EXOC6B: variants seen among roughly 807,000 people sequenced by gnomAD.
EXOC6B encodes SEC15 homolog B.
In EXOC6B, 54 loss-of-function variants were observed where a neutral mutation model predicts 113.5. The observed-to-expected ratio is 0.48, with a 90% CI of 0.38 to 0.60. EXOC6B has a LOEUF of 0.60. Among genes scored for constraint, EXOC6B ranks in the 20% least tolerant of loss-of-function variants. EXOC6B has a pLI of 0.00. For missense variants in EXOC6B, 797 were observed against 977.5 expected (o/e 0.82, Z 2.46); for synonymous variants, 357 against 339.0 (o/e 1.05, Z -0.58).
intron 20 of EXOC6B, among the ~76,000 whole-genome samples, chr2:72,250,222 G>A (rs1682926481): frequency 6.6e-6 from 1 of 152,056 alleles, no homozygotes; most frequent in Non-Finnish European, 1.5e-5. Context: ...GTATAAGCAC[G>A]GTACCGATCA....
chr2:72,452,603 A>C (rs1291376763), intron 18 of EXOC6B, among the ~76,000 whole-genome samples: 2 of 152,164 alleles, frequency 1.3e-5, no homozygotes, highest in African/African-American at 4.8e-5. Context: ...TGAGATGAGA[A>C]GTCATTCTGA....
At chr2:72,734,739 T>A (rs916229369) in intron 2 of EXOC6B, among the ~76,000 whole-genome samples, 1 of 152,158 alleles carries the variant, frequency 6.6e-6, no homozygotes, top group African/African-American at 2.4e-5. Context: ...AATTTACAAT[T>A]GGATGCCACA....
Position 72,825,994 on chromosome 2 carries a change from C to G in EXOC6B, c.-84G>C. 6.5e-7 allele frequency: 1 copy of G among 1,533,140 alleles called. No individual in the cohort carries two copies. The highest frequency in any genetic ancestry group is 8.8e-7 in the Non-Finnish European group (1 of 1,140,352). The allele number at this position is 1,533,140 out of a possible 1,614,324, so 95.0% of individuals were successfully genotyped here. On this transcript the variant is annotated 5_prime_UTR_variant, in exon 1 of 22. Coordinates refer to ENST00000272427, the MANE Select transcript of EXOC6B (RefSeq NM_015189.3). This position sits in a 1 kb window ranked among gnomAD's most constrained non-coding sequence, Gnocchi z 4.4. ...CCCACAATGCCGCTCCCACCACAGGCTCCACAGCCGCCCCAGCCTCTGGCT... is the reference window on the plus strand; with the variant it reads ...CCCACAATGCCGCTCCCACCACAGGGTCCACAGCCGCCCCAGCCTCTGGCT...
chr2:72,807,858 C>T (rs540395183), intron 1 of EXOC6B, among the ~76,000 whole-genome samples: 1 of 150,788 alleles, frequency 6.6e-6, no homozygotes, highest in South Asian at 2.1e-4. Context: ...AAAAAAAAAT[C>T]AAAAGAATAA....
chr2:72,606,524 T>G (rs1670762822), intron 6 of EXOC6B, among the ~76,000 whole-genome samples: 1 of 151,966 alleles, frequency 6.6e-6, no homozygotes, highest in Non-Finnish European at 1.5e-5. Flanking sequence ...AGGACAGGAG[T>G]TGGAGACCAG....
intron 19 of EXOC6B, among the ~76,000 whole-genome samples, chr2:72,352,200 ACATGGGCCTCAATT>A (rs1689690158): frequency 6.6e-6 from 1 of 152,140 alleles, no homozygotes; most frequent in Non-Finnish European, 1.5e-5. Flanking sequence ...AAAAACAAAA[ACATGGGCCTCAATT>A]CACCCATCCA....
chr2:72,332,372 T>A (rs1688462111), intron 20 of EXOC6B, among the ~76,000 whole-genome samples: 2 of 151,918 alleles, frequency 1.3e-5, no homozygotes, highest in South Asian at 4.2e-4. Context: ...TCAGTTTTGG[T>A]CCATAAAATC....
intron 6 of EXOC6B, among the ~76,000 whole-genome samples, chr2:72,590,060 G>A (rs2103925089): frequency 6.6e-6 from 1 of 152,040 alleles, no homozygotes; most frequent in South Asian, 2.1e-4. Context: ...AGGACATAAC[G>A]TCTCCTATCC....
At chr2:72,238,858 T>G (rs1230516724) in intron 20 of EXOC6B, among the ~76,000 whole-genome samples, 1 of 152,202 alleles carries the variant, frequency 6.6e-6, no homozygotes, top group East Asian at 1.9e-4. Context: ...GTCTTTCCAC[T>G]TTCTTGATGG....
At chr2:72,728,563 A>C (rs1680450856) in intron 5 of EXOC6B, among the ~76,000 whole-genome samples, 1 of 152,134 alleles carries the variant, frequency 6.6e-6, no homozygotes, top group African/African-American at 2.4e-5. Flanking sequence ...CATGTTATAT[A>C]CTCATAATGG....
rs137863396 is a variant in EXOC6B at position 72,365,154 on chromosome 2, A to G, written c.2122+14575T>C. Among the ~76,000 whole-genome samples the G allele has an allele frequency of 5.6e-3, 846 of 152,216 alleles. 10 individuals carry two copies. The highest frequency in any genetic ancestry group is 0.019 in the African/African-American group (789 of 41,562). ...GAAAGGCATGGGAGTGTGCTTATTT[A>G]TGAATGGTAAGATTAGAGTAGTTTT... On this transcript the variant is annotated intron_variant, in intron 19 of 21. Coordinates refer to ENST00000272427, the MANE Select transcript of EXOC6B (RefSeq NM_015189.3).
chr2:72,775,725 G>C (rs1683656915), intron 1 of EXOC6B, among the ~76,000 whole-genome samples: 1 of 152,178 alleles, frequency 6.6e-6, no homozygotes, highest in Non-Finnish European at 1.5e-5. Context: ...TTTAACAATG[G>C]AGACAGTGGT....
In EXOC6B at chr2:72,392,913, A is replaced by G. The variant is rs554964174; in HGVS notation, c.1981-13043T>C. ...CTCATCTGCTCTCTCTGTGGGCCCA[A>G]TTCTCAATGTCTCTGCTACGTAATT... On this transcript the variant is annotated intron_variant, in intron 18 of 21. Transcript: ENST00000272427. Among the ~76,000 whole-genome samples, 5 of 152,244 alleles carry G rather than the reference A, an allele frequency of 3.3e-5. No individual in the cohort carries two copies. In the South Asian group the frequency reaches 1.0e-3, roughly 32 times the overall value.
chr2:72,642,461 A>G (rs1039791436), intron 6 of EXOC6B, among the ~76,000 whole-genome samples: 1 of 146,924 alleles, frequency 6.8e-6, no homozygotes. Context: ...ATAACGCCAC[A>G]TATCTACAAC....
At chr2:72,195,735 A>G (rs1679128628) in intron 20 of EXOC6B, among the ~76,000 whole-genome samples, 1 of 152,248 alleles carries the variant, frequency 6.6e-6, no homozygotes, top group South Asian at 2.1e-4. Context: ...TCTCCTAATC[A>G]TAATACAAGC....
chr2:72,427,570 C>T (rs1030296896), intron 18 of EXOC6B, among the ~76,000 whole-genome samples: 2 of 152,202 alleles, frequency 1.3e-5, no homozygotes, highest in African/African-American at 4.8e-5. Flanking sequence ...TGCCTTGGCC[C>T]CCTCTGGACT....
chr2:72,232,712 C>T (rs1270269907), intron 20 of EXOC6B, among the ~76,000 whole-genome samples: 1 of 152,226 alleles, frequency 6.6e-6, no homozygotes, highest in Admixed American at 6.5e-5. Context: ...ATATCTTAAA[C>T]ATTATTTCAA....
chr2:72,514,109 G>A (rs1450774776), intron 10 of EXOC6B, among the ~76,000 whole-genome samples: 4 of 152,064 alleles, frequency 2.6e-5, no homozygotes, highest in Non-Finnish European at 5.9e-5. Context: ...TAGCCTATGG[G>A]ATAAACCTAG....
chr2:72,304,341 T>C (rs1436815271), intron 20 of EXOC6B, among the ~76,000 whole-genome samples: 1 of 152,234 alleles, frequency 6.6e-6, no homozygotes, highest in Non-Finnish European at 1.5e-5. Flanking sequence ...CAGAAGAGAA[T>C]ACTGGAGGTC....
Sources: gnomAD v4.1 joint callset for allele counts (sites outside exome capture counted in the v4.1 genomes callset) on GRCh38, gnomAD v4.1.1 for gene constraint, Gnocchi (gnomAD v3.1) non-coding constraint, MANE v1.5 for transcripts, NCBI Gene and HGNC (gene_info 2026-07-23, HGNC 2026-07-21) for gene names.